CCSER1: variants seen among roughly 807,000 people sequenced by gnomAD.
CCSER1 encodes the protein coiled-coil serine rich protein 1, also known as serine-rich coiled-coil domain-containing protein 1.
A neutral mutation model predicts 82.0 loss-of-function variants in CCSER1; 41 were observed. The ratio of observed to expected loss-of-function variants is 0.50; its 90% CI spans 0.39 to 0.65. CCSER1 has a LOEUF of 0.65. Among genes scored for constraint, CCSER1 ranks in the 30% least tolerant of loss-of-function variants. The pLI is 0.00. For missense variants in CCSER1, 1,119 were observed against 1,064.2 expected, an observed-to-expected ratio of 1.05 and a Z score of -0.72; for synonymous variants, 414 against 383.9, an observed-to-expected ratio of 1.08 and a Z score of -0.92.
At chr4:91,079,081 C>A (rs1722372541) in intron 9 of CCSER1, among the ~76,000 whole-genome samples, 1 of 152,090 alleles carries the variant, frequency 6.6e-6, no homozygotes, top group Admixed American at 6.5e-5. Context: ...CAGAGAACGC[C>A]ACAAAGATAC....
At chr4:90,259,944 T>G (rs1329609204) in intron 1 of CCSER1, among the ~76,000 whole-genome samples, 1 of 152,168 alleles carries the variant, frequency 6.6e-6, no homozygotes, top group Admixed American at 6.5e-5. Context: ...TGTTATGTCC[T>G]TTCCTGGTTT....
intron 5 of CCSER1, among the ~76,000 whole-genome samples, chr4:90,513,950 C>T (rs1018854274): frequency 2.6e-5 from 4 of 151,976 alleles, no homozygotes; most frequent in Admixed American, 6.6e-5. Flanking sequence ...TCTATGCTGC[C>T]TACAAGTGCA....
chr4:91,160,513 C>T (rs1227974720), intron 10 of CCSER1, among the ~76,000 whole-genome samples: 1 of 152,226 alleles, frequency 6.6e-6, no homozygotes, highest in East Asian at 1.9e-4. Context: ...GTCCCACCAA[C>T]AGTGCAAAAG....
At chr4:90,507,147 G>C (rs900258629) in intron 5 of CCSER1, among the ~76,000 whole-genome samples, 1 of 152,096 alleles carries the variant, frequency 6.6e-6, no homozygotes, top group African/African-American at 2.4e-5. Flanking sequence ...CACTAGTTTT[G>C]TTCTTAACAC....
intron 10 of CCSER1, among the ~76,000 whole-genome samples, chr4:91,132,495 A>T (rs17018076): frequency 0.14 from 20,924 of 152,232 alleles, 1,712 homozygotes; most frequent in East Asian, 0.32. Context: ...CTGCAATTAA[A>T]ATGAGATCTG....
intron 3 of CCSER1, among the ~76,000 whole-genome samples, chr4:90,355,484 G>A (rs1744224399): frequency 6.6e-6 from 1 of 151,840 alleles, no homozygotes; most frequent in African/African-American, 2.4e-5. Flanking sequence ...CTGTCTGTAA[G>A]CATTATGTAT....
At chr4:91,248,204 T>C (rs183481535) in intron 10 of CCSER1, among the ~76,000 whole-genome samples, 1 of 152,300 alleles carries the variant, frequency 6.6e-6, no homozygotes, top group Non-Finnish European at 1.5e-5. Context: ...CACTCATATA[T>C]AAAGGAATAA....
intron 10 of CCSER1, among the ~76,000 whole-genome samples, chr4:91,467,795 C>T (rs1191054613): frequency 6.6e-6 from 1 of 152,150 alleles, no homozygotes; most frequent in Non-Finnish European, 1.5e-5. Context: ...ATCAAAACCA[C>T]AATGAGATAC....
At chr4:90,461,317 T>G (rs1437832381) in intron 4 of CCSER1, among the ~76,000 whole-genome samples, 1 of 117,202 alleles carries the variant, frequency 8.5e-6, no homozygotes, top group Non-Finnish European at 1.7e-5. Context: ...TCCGCCCGCC[T>G]CGGCCTCCCA....
At chr4:91,086,015 G>C in intron 10 of CCSER1, 21 bp downstream of exon 10, 4 of 1,449,070 alleles carry the variant, frequency 2.8e-6, no homozygotes, top group Non-Finnish European at 2.8e-6. Context: ...TTAAAGAAGA[G>C]GGGTGGGAAA....
In CCSER1 at chr4:90,555,100, T is replaced by A. The variant is rs542236115; in HGVS notation, c.1725-72925T>A. ...ATGCATTTTTTGCTCAAAAATATGT[T>A]AAACATAAAATTCATTTTTTTTTCA... On this transcript the variant is annotated intron_variant, in intron 5 of 10. Coordinates refer to ENST00000509176, the MANE Select transcript of CCSER1 (RefSeq NM_001145065.2). Among the ~76,000 whole-genome samples, 44 of 152,256 alleles carry A rather than the reference T, an allele frequency of 2.9e-4. 1 individual carries two copies. In the South Asian group the frequency reaches 8.3e-3, roughly 29 times the overall value.
intron 9 of CCSER1, among the ~76,000 whole-genome samples, chr4:91,045,606 A>G (rs938696563): frequency 6.6e-6 from 1 of 152,204 alleles, no homozygotes; most frequent in Non-Finnish European, 1.5e-5. Flanking sequence ...TATTATGGAA[A>G]TATTTGGTGT....
At position 90,443,677 on chromosome 4, in the gene CCSER1, T is replaced by C. The variant is rs573525756; in HGVS notation, c.1604-24557T>C. ...ATATATTTTATATTTTTCATTGGCT[T>C]CATTTCTATTATAAGCATATAAAAT... On this transcript the variant is annotated intron_variant, in intron 4 of 10. Transcript: ENST00000509176. 3.9e-5 allele frequency among the ~76,000 whole-genome samples: 6 copies of C among 152,236 alleles called. No homozygotes were observed. The South Asian group carries it at 1.0e-3, about 26-fold the overall frequency.
intron 10 of CCSER1, among the ~76,000 whole-genome samples, chr4:91,219,694 T>C (rs1036763134): frequency 2.1e-4 from 32 of 152,300 alleles, no homozygotes; most frequent in African/African-American, 7.7e-4. Context: ...CTGAGCTACA[T>C]TCACTTAGGG....
intron 9 of CCSER1, among the ~76,000 whole-genome samples, chr4:91,007,350 T>C (rs1738605453): frequency 6.6e-6 from 1 of 152,190 alleles, no homozygotes; most frequent in African/African-American, 2.4e-5. Flanking sequence ...CTGAAATAGT[T>C]TGGGAAGAAT....
chr4:91,592,022 C>T (rs951121701), intron 10 of CCSER1, among the ~76,000 whole-genome samples: 4 of 152,094 alleles, frequency 2.6e-5, no homozygotes, highest in Admixed American at 2.0e-4. Flanking sequence ...TAATGGAGTT[C>T]TCAGTAAATG....
intron 10 of CCSER1, among the ~76,000 whole-genome samples, chr4:91,465,193 T>G (rs919563181): frequency 6.6e-6 from 1 of 152,136 alleles, no homozygotes; most frequent in Non-Finnish European, 1.5e-5. Context: ...AACTCAGGAT[T>G]AAGAAACTCA....
chr4:91,589,684 A>G (rs149881072), intron 10 of CCSER1, among the ~76,000 whole-genome samples: 2 of 151,932 alleles, frequency 1.3e-5, no homozygotes, highest in Admixed American at 1.3e-4. Context: ...TCTAGCATAT[A>G]AATTTAACTT....
At chr4:91,016,640 T>C (rs1417430851) in intron 9 of CCSER1, among the ~76,000 whole-genome samples, 1 of 152,086 alleles carries the variant, frequency 6.6e-6, no homozygotes, top group African/African-American at 2.4e-5. Flanking sequence ...TATACACATA[T>C]ATATGCATTG....
Sources: gnomAD v4.1 joint callset for allele counts (sites outside exome capture counted in the v4.1 genomes callset) on GRCh38, gnomAD v4.1.1 for gene constraint, MANE v1.5 for transcripts, NCBI Gene and HGNC (gene_info 2026-07-23, HGNC 2026-07-21) for gene names.